COL5A1: variants seen among roughly 807,000 people sequenced by gnomAD.
The protein encoded by COL5A1 is collagen alpha-1(V) chain.
A neutral mutation model predicts 263.7 loss-of-function variants in COL5A1; 16 were observed. That is an observed-to-expected ratio of 0.06 (90% CI 0.04 to 0.09). COL5A1 has a LOEUF of 0.09. Ranked by LOEUF, COL5A1 falls within the 10% of genes least tolerant of loss-of-function variation. The probability of loss-of-function intolerance (pLI) is 1.00; values close to 1 mark genes in which losing one functional copy is unlikely to be tolerated. For missense variants in COL5A1, 2,036 were observed against 2,540.5 expected (o/e 0.80, Z 4.27); for synonymous variants, 1,012 against 1,004.5 (o/e 1.01, Z -0.14).
intron 27 of COL5A1, among the ~76,000 whole-genome samples, chr9:134,775,841 G>A (rs573959752): frequency 1.2e-4 from 18 of 152,304 alleles, no homozygotes; most frequent in Non-Finnish European, 2.6e-4. Flanking sequence ...GGTCTGAAGG[G>A]CTTTATGCTT....
At chr9:134,800,803 C>T (rs1838088487) in intron 37 of COL5A1, among the ~76,000 whole-genome samples, 1 of 149,216 alleles carries the variant, frequency 6.7e-6, no homozygotes, top group Admixed American at 6.6e-5. Context: ...TTCATGTGGC[C>T]CCGTGGCTTG....
Position 134,818,628 on chromosome 9 carries a change from C to T in COL5A1, c.4231-28C>T, listed in dbSNP as rs779728932. 7 of 1,558,928 alleles carry T rather than the reference C, an allele frequency of 4.5e-6. No homozygotes were observed. The East Asian group carries it at 1.4e-4, about 31-fold the overall frequency. On this transcript the variant is annotated intron_variant, in intron 54 of 65. Transcript: ENST00000371817. This position sits in a 1 kb window ranked among gnomAD's most constrained non-coding sequence, Gnocchi z 6.0. ...GGTGCCTGGAGCCTAGAGCTCCGGA[C>T]CTCATTCTGCCCTCCGCCGTCCTGC...
intron 58 of COL5A1, among the ~76,000 whole-genome samples, chr9:134,820,618 G>C (rs777440178): frequency 6.6e-6 from 1 of 152,184 alleles, no homozygotes; most frequent in Admixed American, 6.5e-5. Flanking sequence ...CAGAGTGGCT[G>C]TTCTGGCTCC....
rs1408710723 is a variant in COL5A1 at position 134,644,009 on chromosome 9, T to C, written c.109+1713T>C. Among the ~76,000 whole-genome samples the C allele has an allele frequency of 2.0e-5, 3 of 152,208 alleles. No homozygotes were observed. In the East Asian group the frequency reaches 5.8e-4, roughly 30 times the overall value. On this transcript the variant is annotated intron_variant, in intron 1 of 65. Transcript: ENST00000371817. ...GGCTCGTTGGAAGTGGGAGTGAGGATGGCCCAGAGCAGCAGGCTATGGAGT... is the reference window on the plus strand; with the variant it reads ...GGCTCGTTGGAAGTGGGAGTGAGGACGGCCCAGAGCAGCAGGCTATGGAGT...
chr9:134,840,568 C>A (rs1839990573), intron 65 of COL5A1, among the ~76,000 whole-genome samples: 1 of 152,228 alleles, frequency 6.6e-6, no homozygotes, highest in African/African-American at 2.4e-5. Flanking sequence ...GGGTCAGAAG[C>A]CTGGGAGAGG....
chr9:134,705,455 C>T (rs1482574015), intron 4 of COL5A1, among the ~76,000 whole-genome samples: 1 of 152,226 alleles, frequency 6.6e-6, no homozygotes, highest in African/African-American at 2.4e-5. Flanking sequence ...AGGTGGGACA[C>T]TGCTGTCCCT....
intron 4 of COL5A1, among the ~76,000 whole-genome samples, chr9:134,725,679 G>C (rs113120262): frequency 0.025 from 3,884 of 152,330 alleles, 74 homozygotes; most frequent in Non-Finnish European, 0.037. Context: ...GTGCTTGCAT[G>C]CTTTTCCCGG....
intron 1 of COL5A1, among the ~76,000 whole-genome samples, chr9:134,651,093 T>C (rs1588401350): frequency 6.6e-6 from 1 of 152,332 alleles, no homozygotes; most frequent in African/African-American, 2.4e-5. Flanking sequence ...GGCAGCTGGG[T>C]CCCAGTGCTT....
intron 4 of COL5A1, among the ~76,000 whole-genome samples, chr9:134,713,662 A>T (rs936179849): frequency 3.3e-5 from 5 of 152,220 alleles, no homozygotes; most frequent in Admixed American, 6.5e-5. Flanking sequence ...TATATGAAAA[A>T]AACTTAGGGG....
intron 64 of COL5A1, among the ~76,000 whole-genome samples, chr9:134,832,328 C>T (rs1024917385): frequency 6.6e-6 from 1 of 152,158 alleles, no homozygotes; most frequent in African/African-American, 2.4e-5. Context: ...ATCTCTTGAA[C>T]CCAGGAGGCA....
chr9:134,694,354 C>T (rs1167016980), intron 2 of COL5A1, among the ~76,000 whole-genome samples: 2 of 152,262 alleles, frequency 1.3e-5, no homozygotes, highest in Non-Finnish European at 2.9e-5. Context: ...ACTGGCACCA[C>T]CTGGTCCTGT....
At chr9:134,692,276 C>A (rs887696038) in intron 2 of COL5A1, among the ~76,000 whole-genome samples, 1 of 152,184 alleles carries the variant, frequency 6.6e-6, no homozygotes, top group Admixed American at 6.5e-5. Flanking sequence ...CCAGAGTGGC[C>A]CTGGGCTGTG....
chr9:134,642,777 T>G lies in COL5A1; in HGVS notation c.109+481T>G, dbSNP rs189487748. ...TCCCAGAAGCCTGGGCCCCCAGCAC[T>G]GAACTTCCCCCAGGCACTGTCACTC... On this transcript the variant is annotated intron_variant, in intron 1 of 65. Coordinates refer to ENST00000371817, the MANE Select transcript of COL5A1 (RefSeq NM_000093.5). This position sits in a 1 kb window ranked among gnomAD's most constrained non-coding sequence, Gnocchi z 4.5. Among the ~76,000 whole-genome samples the G allele has an allele frequency of 0.011, 1,708 of 152,300 alleles. 19 individuals carry two copies. Among genetic ancestry groups the G allele is most frequent in the Non-Finnish European group, 0.018 (1,236 of 68,000 alleles).
At chr9:134,667,246 A>G (rs2132506843) in intron 1 of COL5A1, among the ~76,000 whole-genome samples, 1 of 152,240 alleles carries the variant, frequency 6.6e-6, no homozygotes, top group Non-Finnish European at 1.5e-5. Flanking sequence ...TACCTTATTC[A>G]CAATTGGCAG....
chr9:134,662,602 GT>G (rs1459531504), intron 1 of COL5A1, among the ~76,000 whole-genome samples: 1 of 152,208 alleles, frequency 6.6e-6, no homozygotes, highest in Non-Finnish European at 1.5e-5. Flanking sequence ...AGAAGTGAGG[GT>G]TGATTTAAGA....
At chr9:134,836,680 C>A (rs1014195098) in intron 65 of COL5A1, among the ~76,000 whole-genome samples, 1 of 152,230 alleles carries the variant, frequency 6.6e-6, no homozygotes, top group African/African-American at 2.4e-5. Flanking sequence ...TCCAATCCCG[C>A]CTCCCCCTGC....
rs558409903 is a variant in COL5A1, at chr9:134,661,060, C to G, written c.109+18764C>G. On this transcript the variant is annotated intron_variant, in intron 1 of 65. Transcript: ENST00000371817. ...GAAGGTACCAGAAGAGTGATCTCAG[C>G]TTACCACACCCACCACTGGCTGGCA... Among the ~76,000 whole-genome samples the G allele has an allele frequency of 6.6e-5, 10 of 152,140 alleles. No individual in the cohort carries two copies. In the South Asian group the frequency reaches 2.1e-3, roughly 32 times the overall value.
intron 27 of COL5A1, among the ~76,000 whole-genome samples, chr9:134,775,223 T>C (rs1837009005): frequency 6.6e-6 from 1 of 152,264 alleles, no homozygotes; most frequent in African/African-American, 2.4e-5. Flanking sequence ...GCTTCTTGCC[T>C]CTTTAATTGT....
chr9:134,796,983 C>G, intron 36 of COL5A1, 82 bp downstream of exon 36: 4 of 1,336,608 alleles, frequency 3.0e-6, no homozygotes, highest in Non-Finnish European at 4.3e-6. Context: ...CGCCTGTTTT[C>G]TCTGAGGTCT....
Sources: gnomAD v4.1 joint callset for allele counts (sites outside exome capture counted in the v4.1 genomes callset) on GRCh38, gnomAD v4.1.1 for gene constraint, Gnocchi (gnomAD v3.1) non-coding constraint, MANE v1.5 for transcripts, NCBI Gene and HGNC (gene_info 2026-07-23, HGNC 2026-07-21) for gene names.